The following AKAP5 variants were observed in gnomAD, a reference collection of about 807,000 sequenced individuals.
AKAP5 encodes A-kinase anchoring protein 5.
Under a neutral mutation model 13.8 loss-of-function variants are expected in AKAP5, and 5 were observed. That is an observed-to-expected ratio of 0.36 (90% CI 0.19 to 0.76). The LOEUF is 0.76. AKAP5 is among the 30% of genes least tolerant of loss of function. AKAP5 has a pLI of 0.51. For synonymous variants in AKAP5, 148 were observed against 167.2 expected (o/e 0.89, Z 0.89); for missense variants, 406 against 484.4 (o/e 0.84, Z 1.52).
Position 64,470,582 on chromosome 14 carries a change from T to G in AKAP5, c.*904T>G, listed in dbSNP as rs529370391. On this transcript the variant is annotated 3_prime_UTR_variant, in exon 2 of 2. Transcript: ENST00000394718. ...TCCAGTCTGGGCAACAGAGCGAGACTCCTTCTCAAAAAAAAAAAAAAAAAA... is the reference window on the plus strand; with the variant it reads ...TCCAGTCTGGGCAACAGAGCGAGACGCCTTCTCAAAAAAAAAAAAAAAAAA... 3.2e-5 allele frequency: 4 copies of G among 126,556 alleles called. No homozygotes were observed. The highest frequency in any genetic ancestry group is 1.4e-4 in the African/African-American group (4 of 28,144). The allele number at this position is 126,556 out of a possible 1,614,324, so 7.8% of individuals were successfully genotyped here.
Position 64,470,675 on chromosome 14 carries a change from GA to G in AKAP5, c.*998del, listed in dbSNP as rs1255392147. The G allele has an allele frequency of 6.0e-6, 1 of 166,692 alleles. No individual in the cohort carries two copies. The highest frequency in any genetic ancestry group is 1.5e-5 in the Non-Finnish European group (1 of 68,112). The allele number at this position is 166,692 out of a possible 1,614,324, so 10.3% of individuals were successfully genotyped here. A position where few individuals can be genotyped will look rare whatever the true frequency, so the allele number is the denominator to read the frequency against. ...CTAAGTGCAAAAGTGTAGAAACAGG[GA>G]GAGTGGGTTTTTCCCCCGCTTTTCT... On this transcript the variant is annotated 3_prime_UTR_variant, in exon 2 of 2. Coordinates refer to ENST00000394718, the MANE Select transcript of AKAP5 (RefSeq NM_004857.3).
At chr14:64,466,640 A>C (rs1566586062) in intron 1 of AKAP5, among the ~76,000 whole-genome samples, 1 of 152,322 alleles carries the variant, frequency 6.6e-6, no homozygotes, top group East Asian at 1.9e-4. Context: ...AGAGGCACAC[A>C]GTATGAAACA....
Position 64,469,743 on chromosome 14 carries a change from C to T in AKAP5, c.*65C>T, listed in dbSNP as rs1234942815. ...GAAGAATTCTTTTATACATTTGTGG[C>T]ATTTCTTACTCAGTAACAAATGAGA... On this transcript the variant is annotated 3_prime_UTR_variant, in exon 2 of 2. Transcript: ENST00000394718. The T allele has an allele frequency of 2.5e-6, 3 of 1,185,164 alleles. No individual in the cohort carries two copies. The African/African-American group carries it at 4.7e-5, about 18-fold the overall frequency. The allele number at this position is 1,185,164 out of a possible 1,614,324, so 73.4% of individuals were successfully genotyped here.
In AKAP5 at chr14:64,469,745, T is replaced by C; in HGVS notation, c.*67T>C. The C allele has an allele frequency of 1.7e-6, 2 of 1,174,160 alleles. No homozygotes were observed. The highest frequency in any genetic ancestry group is 3.3e-5 in the South Asian group (2 of 61,210). The allele number at this position is 1,174,160 out of a possible 1,614,324, so 72.7% of individuals were successfully genotyped here. A position where few individuals can be genotyped will look rare whatever the true frequency, so the allele number is the denominator to read the frequency against. ...AGAATTCTTTTATACATTTGTGGCA[T>C]TTCTTACTCAGTAACAAATGAGAGA... On this transcript the variant is annotated 3_prime_UTR_variant, in exon 2 of 2. Coordinates refer to ENST00000394718, the MANE Select transcript of AKAP5 (RefSeq NM_004857.3).
At chr14:64,466,628 T>C (rs1249564526) in intron 1 of AKAP5, among the ~76,000 whole-genome samples, 2 of 152,172 alleles carry the variant, frequency 1.3e-5, no homozygotes, top group African/African-American at 2.4e-5. Flanking sequence ...TATCTTTCTG[T>C]TAGAGGCACA....
rs367863068 is a variant in AKAP5 at position 64,469,669 on chromosome 14, T to G, written c.1275T>G (p.Leu425=). The part of the protein sequence containing the change: ...MASDDNKINN[L]LQ The stretch of plus-strand genomic sequence containing the variant: ...CTGATGATAATAAAATAAACAATCT[T>G]CTACAGTGACTTACTCTCCAGAGTC... Residue 425 remains leucine (L), a synonymous_variant, in exon 2 of 2, where the codon CTT becomes CTG. Coordinates refer to ENST00000394718, the MANE Select transcript of AKAP5 (RefSeq NM_004857.3). 2.5e-6 allele frequency: 4 copies of G among 1,575,410 alleles called. No homozygotes were observed. The highest frequency in any genetic ancestry group is 3.4e-6 in the Non-Finnish European group (4 of 1,164,634).
rs2078649436 is a variant in AKAP5, at chr14:64,469,832, A to G, written c.*154A>G. ...CGCAGAAGTGCTAAAGATTAAGTCA[A>G]GTTTATAAAACTCTACCACTGAAAT... On this transcript the variant is annotated 3_prime_UTR_variant, in exon 2 of 2. Coordinates refer to ENST00000394718, the MANE Select transcript of AKAP5 (RefSeq NM_004857.3). 1.7e-6 allele frequency: 1 copy of G among 589,636 alleles called. No individual in the cohort carries two copies. Among genetic ancestry groups the G allele is most frequent in the Non-Finnish European group, 2.9e-6 (1 of 346,188 alleles). The allele number at this position is 589,636 out of a possible 1,614,324, so 36.5% of individuals were successfully genotyped here. A position where few individuals can be genotyped will look rare whatever the true frequency, so the allele number is the denominator to read the frequency against.
Position 64,474,351 on chromosome 14 carries a change from GAAAGTA to G in AKAP5, c.*4679_*4684del, listed in dbSNP as rs986433064. 1 of 167,054 alleles carries G rather than the reference GAAAGTA, an allele frequency of 6.0e-6. No homozygotes were observed. Among genetic ancestry groups the G allele is most frequent in the African/African-American group, 2.4e-5 (1 of 41,434 alleles). The allele number at this position is 167,054 out of a possible 1,614,324, so 10.3% of individuals were successfully genotyped here. A position where few individuals can be genotyped will look rare whatever the true frequency, so the allele number is the denominator to read the frequency against. ...AAATGTTAAGTGGATGAGCTATTAT[GAAAGTA>G]AAAGTTTCATTTTTTCTCATTAAAA... On this transcript the variant is annotated 3_prime_UTR_variant, in exon 2 of 2. Transcript: ENST00000394718.
chr14:64,466,205 C>G (rs758591288), intron 1 of AKAP5, among the ~76,000 whole-genome samples: 6 of 152,340 alleles, frequency 3.9e-5, no homozygotes, highest in Non-Finnish European at 8.8e-5. Flanking sequence ...TTAAGATTTC[C>G]TGAGGCGATA....
rs539972304 is a variant in AKAP5, at chr14:64,468,799, G to C, written c.405G>C (p.Gly135=). ...LKIPCIKFPR[G]PKRSNHSKII... Reference sequence around the variant, plus strand: ...TTCCCTGCATAAAATTCCCAAGAGGGCCAAAAAGGAGTAATCATTCCAAAA... The same window carrying C: ...TTCCCTGCATAAAATTCCCAAGAGGCCCAAAAAGGAGTAATCATTCCAAAA... The change falls in exon 2 of 2, where the codon GGG becomes GGC. Residue 135 remains glycine, a synonymous_variant. Coordinates refer to ENST00000394718, the MANE Select transcript of AKAP5 (RefSeq NM_004857.3). The C allele has an allele frequency of 7.1e-5, 115 of 1,614,080 alleles. No individual in the cohort carries two copies. In the South Asian group the frequency reaches 1.2e-3, roughly 17 times the overall value.
At position 64,469,471 on chromosome 14, in the gene AKAP5, T is replaced by G; in HGVS notation, c.1077T>G (p.Pro359=). 1.9e-6 allele frequency: 3 copies of G among 1,613,338 alleles called. No homozygotes were observed. The highest frequency in any genetic ancestry group is 2.5e-6 in the Non-Finnish European group (3 of 1,179,828). ...ATGTTACAAAATCTAAAAATGTCCC[T>G]AAGCAATTCTTAATTTCAGCTGAAA... ...EFDVTKSKNV[P]KQFLISAENE... is the part of the protein sequence containing the mutation. The change falls in exon 2 of 2, where the codon CCT becomes CCG. Residue 359 remains proline (P), a synonymous_variant. Transcript: ENST00000394718.
chr14:64,471,048 C>T lies in AKAP5; in HGVS notation c.*1370C>T, dbSNP rs928474544. ...AAAGTGAAAAGTTATTGCTAAAGCA[C>T]ATTATAATTTAAATGTCAGTATTCC... On this transcript the variant is annotated 3_prime_UTR_variant, in exon 2 of 2. Transcript: ENST00000394718. The T allele has an allele frequency of 1.2e-5, 2 of 166,782 alleles. No individual in the cohort carries two copies. Among genetic ancestry groups the T allele is most frequent in the Non-Finnish European group, 2.9e-5 (2 of 68,082 alleles). The allele number at this position is 166,782 out of a possible 1,614,324, so 10.3% of individuals were successfully genotyped here.
chr14:64,473,363 C>T lies in AKAP5; in HGVS notation c.*3685C>T, dbSNP rs1370310019. ...TCCTTCAAGGTAATGTATTTGACAG[C>T]ATGAAGTTTGTGATGATCTTACTTG... On this transcript the variant is annotated 3_prime_UTR_variant, in exon 2 of 2. Coordinates refer to ENST00000394718, the MANE Select transcript of AKAP5 (RefSeq NM_004857.3). 1 of 167,046 alleles carries T rather than the reference C, an allele frequency of 6.0e-6. No individual in the cohort carries two copies. Among genetic ancestry groups the T allele is most frequent in the African/African-American group, 2.4e-5 (1 of 41,434 alleles). The allele number at this position is 167,046 out of a possible 1,614,324, so 10.3% of individuals were successfully genotyped here. A position where few individuals can be genotyped will look rare whatever the true frequency, so the allele number is the denominator to read the frequency against.
At position 64,471,367 on chromosome 14, in the gene AKAP5, T is replaced by C. The variant is rs1169548141; in HGVS notation, c.*1689T>C. The C allele has an allele frequency of 6.0e-6, 1 of 166,318 alleles. No homozygotes were observed. The highest frequency in any genetic ancestry group is 2.4e-5 in the African/African-American group (1 of 41,434). 10.3% of individuals were successfully genotyped at this position (166,318 alleles called of 1,614,324 possible). A position where few individuals can be genotyped will look rare whatever the true frequency, so the allele number is the denominator to read the frequency against. On this transcript the variant is annotated 3_prime_UTR_variant, in exon 2 of 2. Coordinates refer to ENST00000394718, the MANE Select transcript of AKAP5 (RefSeq NM_004857.3). ...TGGGGTTTCACCGTGTTAGCCAGGA[T>C]GGTCTTGATCTCCTGACCTCATGAT...
Position 64,470,688 on chromosome 14 carries a change from T to TC in AKAP5, c.*1015dup, listed in dbSNP as rs1329122375. 6.0e-6 allele frequency: 1 copy of TC among 166,878 alleles called. No homozygotes were observed. The highest frequency in any genetic ancestry group is 6.5e-5 in the Admixed American group (1 of 15,268). The allele number at this position is 166,878 out of a possible 1,614,324, so 10.3% of individuals were successfully genotyped here. ...TGTAGAAACAGGGAGAGTGGGTTTT[T>TC]CCCCCGCTTTTCTTTCTGCCTCAAC... On this transcript the variant is annotated 3_prime_UTR_variant, in exon 2 of 2. Transcript: ENST00000394718.
At chr14:64,465,874 T>A (rs2078607748) in intron 1 of AKAP5, among the ~76,000 whole-genome samples, 1 of 152,200 alleles carries the variant, frequency 6.6e-6, no homozygotes, top group Non-Finnish European at 1.5e-5. Flanking sequence ...TTTCCTTCTT[T>A]ATCCCTCTTT....
In AKAP5 at chr14:64,469,925, T is replaced by C. The variant is rs539474880; in HGVS notation, c.*247T>C. ...GTAAAATGACATAACATACAGGGAG[T>C]TGCTAAAATGGCATATGGAGATTGG... is the stretch of plus-strand genomic sequence containing the variant. On this transcript the variant is annotated 3_prime_UTR_variant, in exon 2 of 2. Coordinates refer to ENST00000394718, the MANE Select transcript of AKAP5 (RefSeq NM_004857.3). 4.8e-5 allele frequency: 17 copies of C among 356,530 alleles called. No homozygotes were observed. The highest frequency in any genetic ancestry group is 8.9e-5 in the Non-Finnish European group (17 of 190,976). The allele number at this position is 356,530 out of a possible 1,614,324, so 22.1% of individuals were successfully genotyped here.
Position 64,472,824 on chromosome 14 carries a change from C to T in AKAP5, c.*3146C>T, listed in dbSNP as rs935958215. 2 of 166,922 alleles carry T rather than the reference C, an allele frequency of 1.2e-5. No individual in the cohort carries two copies. Among genetic ancestry groups the T allele is most frequent in the African/African-American group, 4.8e-5 (2 of 41,420 alleles). The allele number at this position is 166,922 out of a possible 1,614,324, so 10.3% of individuals were successfully genotyped here. ...TAAGCAATTTGACCTTATATGCAAA[C>T]GTTAAGTGAATATAAATAAGTTCTG... is the stretch of plus-strand genomic sequence containing the variant. On this transcript the variant is annotated 3_prime_UTR_variant, in exon 2 of 2. Coordinates refer to ENST00000394718, the MANE Select transcript of AKAP5 (RefSeq NM_004857.3).
rs1309900182 is a variant in AKAP5, at chr14:64,474,161, T to C, written c.*4483T>C. On this transcript the variant is annotated 3_prime_UTR_variant, in exon 2 of 2. Transcript: ENST00000394718. ...GCAACATGAGTGGCACAGAGGGGAG[T>C]ACACAGAGAGAGCAATTAATTTGGT... is the stretch of plus-strand genomic sequence containing the variant. 4 of 166,822 alleles carry C rather than the reference T, an allele frequency of 2.4e-5. No individual in the cohort carries two copies. The highest frequency in any genetic ancestry group is 3.1e-3 in the Middle Eastern group (1 of 318). 10.3% of individuals were successfully genotyped at this position (166,822 alleles called of 1,614,324 possible).
Sources: allele counts gnomAD v4.1 joint callset (sites outside exome capture counted in the v4.1 genomes callset), GRCh38; gene constraint gnomAD v4.1.1; transcripts MANE v1.5; gene names NCBI Gene and HGNC (gene_info 2026-07-23, HGNC 2026-07-21).